Variants in GRM5 observed in about 807,000 individuals in gnomAD.
GRM5 encodes the protein metabotropic glutamate receptor 5.
Under a neutral mutation model 83.1 loss-of-function variants are expected in GRM5, and 19 were observed. The observed-to-expected ratio is 0.23, with a 90% confidence interval of 0.16 to 0.34. GRM5 has a LOEUF of 0.34. Ranked by LOEUF, GRM5 falls within the 10% of genes least tolerant of loss-of-function variation. The pLI is 1.00. For synonymous variants in GRM5, 675 were observed against 633.6 expected (o/e 1.07, Z -0.98); for missense variants, 1,160 against 1,588.3 (o/e 0.73, Z 4.58).
At chr11:88,945,786 G>GA (rs904284720) in intron 2 of GRM5, among the ~76,000 whole-genome samples, 39 of 152,042 alleles carry the variant, frequency 2.6e-4, no homozygotes, top group South Asian at 1.0e-3. Context: ...AAGGATCCTA[G>GA]AAAAAAGCCT....
At chr11:88,593,558 A>G (rs980424110) in intron 6 of GRM5, among the ~76,000 whole-genome samples, 3 of 151,308 alleles carry the variant, frequency 2.0e-5, no homozygotes, top group Non-Finnish European at 4.4e-5. Context: ...GGTGCCTGTA[A>G]TCCCAGCTAC....
At chr11:88,566,970 C>T in intron 8 of GRM5, 83 bp downstream of exon 8, 1 of 857,776 alleles carries the variant, frequency 1.2e-6, no homozygotes, top group Non-Finnish European at 1.8e-6. Context: ...ACCCAGATTT[C>T]TCCCATTTAA....
intron 1 of GRM5, among the ~76,000 whole-genome samples, chr11:89,064,921 AGAGAGAGAGAGAGAGAGAGG>A (rs1228290623): frequency 3.3e-3 from 211 of 64,710 alleles, no homozygotes; most frequent in African/African-American, 0.012. Flanking sequence ...TGTGTGAGAG[AGAGAGAGAGAGAGAGAGAGG>A]GAGAGAGAGA....
At chr11:88,913,424 G>A (rs1262612883) in intron 2 of GRM5, among the ~76,000 whole-genome samples, 6 of 151,996 alleles carry the variant, frequency 3.9e-5, no homozygotes, top group Non-Finnish European at 8.8e-5. Context: ...AATAGGGGAT[G>A]GCAATGTAGA....
intron 2 of GRM5, among the ~76,000 whole-genome samples, chr11:88,864,353 A>C (rs1045386148): frequency 3.3e-5 from 5 of 151,850 alleles, no homozygotes; most frequent in African/African-American, 1.2e-4. Flanking sequence ...GCGCTCCAGA[A>C]GGATACAATA....
chr11:88,913,987 A>G (rs1216454695), intron 2 of GRM5, among the ~76,000 whole-genome samples: 1 of 152,040 alleles, frequency 6.6e-6, no homozygotes, highest in Non-Finnish European at 1.5e-5. Flanking sequence ...TTTAATCCTG[A>G]TCACATACCA....
At chr11:88,606,853 T>C (rs59580234) in intron 4 of GRM5, among the ~76,000 whole-genome samples, 5,095 of 149,642 alleles carry the variant, frequency 0.034, 283 homozygotes, top group African/African-American at 0.12. Context: ...ATAGGAAGAG[T>C]GTGGTTAAAA....
At chr11:88,765,517 G>C (rs140084505) in intron 3 of GRM5, among the ~76,000 whole-genome samples, 158 of 151,250 alleles carry the variant, frequency 1.0e-3, no homozygotes, top group Non-Finnish European at 1.4e-3. Flanking sequence ...ATAGAACAGA[G>C]AGCCTAGAAA....
intron 3 of GRM5, among the ~76,000 whole-genome samples, chr11:88,849,347 A>T (rs1944351852): frequency 6.6e-6 from 1 of 152,172 alleles, no homozygotes; most frequent in Non-Finnish European, 1.5e-5. Context: ...CAATCAAGTG[A>T]ATTATCCAGA....
At chr11:88,780,090 C>A (rs776692762) in intron 3 of GRM5, among the ~76,000 whole-genome samples, 2 of 152,176 alleles carry the variant, frequency 1.3e-5, no homozygotes, top group African/African-American at 2.4e-5. Context: ...CTGACCTGCA[C>A]AGATGAGGGA....
intron 3 of GRM5, among the ~76,000 whole-genome samples, chr11:88,674,624 T>A (rs372979432): frequency 1.2e-4 from 18 of 152,000 alleles, no homozygotes; most frequent in African/African-American, 4.1e-4. Context: ...GATTATAGGT[T>A]TGGGGCAGTG....
Position 89,015,775 on chromosome 11 carries a change from T to A in GRM5, c.661+31437A>T, listed in dbSNP as rs186121384. On this transcript the variant is annotated intron_variant, in intron 2 of 9. Coordinates refer to ENST00000305447, the MANE Select transcript of GRM5 (RefSeq NM_001143831.3). ...TTATCTGACAGAAAATAGTTTCATA[T>A]CTCATTATACCTTTGAGTGTGATTA... Among the ~76,000 whole-genome samples, 149 of 152,302 alleles carry A rather than the reference T, an allele frequency of 9.8e-4. 2 individuals are homozygous for A. The highest frequency in any genetic ancestry group is 9.1e-3 in the Admixed American group (139 of 15,292).
At chr11:88,689,288 C>T (rs1482693588) in intron 3 of GRM5, among the ~76,000 whole-genome samples, 1 of 152,166 alleles carries the variant, frequency 6.6e-6, no homozygotes, top group Non-Finnish European at 1.5e-5. Flanking sequence ...TAAAACACAT[C>T]CCTGAATGAA....
At position 88,599,484 on chromosome 11, in the gene GRM5, G is replaced by A. The variant is rs79148819; in HGVS notation, c.1395-2132C>T. Among the ~76,000 whole-genome samples the A allele has an allele frequency of 9.7e-3, 1,473 of 152,254 alleles. 17 individuals are homozygous for A. Among genetic ancestry groups the A allele is most frequent in the East Asian group, 0.066 (340 of 5,182 alleles). ...AATCTTGTTTTAGTACACTAAAAAA[G>A]AGAAATAGATAATATGTCTCCACAA... On this transcript the variant is annotated intron_variant, in intron 5 of 9. Transcript: ENST00000305447.
intron 3 of GRM5, among the ~76,000 whole-genome samples, chr11:88,790,266 G>A (rs1565231976): frequency 6.6e-6 from 1 of 152,096 alleles, no homozygotes; most frequent in Non-Finnish European, 1.5e-5. Flanking sequence ...TAATGTATGA[G>A]TCATATTATT....
intron 4 of GRM5, among the ~76,000 whole-genome samples, chr11:88,619,434 C>T (rs1414069515): frequency 6.6e-6 from 1 of 152,214 alleles, no homozygotes; most frequent in Non-Finnish European, 1.5e-5. Flanking sequence ...TCCATATTCT[C>T]ACATGGCAAA....
intron 3 of GRM5, among the ~76,000 whole-genome samples, chr11:88,807,235 T>A (rs899971185): frequency 6.6e-5 from 10 of 152,144 alleles, no homozygotes; most frequent in African/African-American, 2.4e-4. Flanking sequence ...TCAAAAAATG[T>A]TTAAAAGCTG....
At chr11:88,548,434 T>C (rs1331095702) in intron 8 of GRM5, among the ~76,000 whole-genome samples, 1 of 152,130 alleles carries the variant, frequency 6.6e-6, no homozygotes, top group African/African-American at 2.4e-5. Context: ...TAACATCACA[T>C]GCAAATTAAA....
chr11:88,785,189 T>A (rs1284038584), intron 3 of GRM5, among the ~76,000 whole-genome samples: 1 of 152,088 alleles, frequency 6.6e-6, no homozygotes, highest in Non-Finnish European at 1.5e-5. Flanking sequence ...ACAGTAAGCG[T>A]TTGGTTACTT....
Sources: allele counts gnomAD v4.1 joint callset (sites outside exome capture counted in the v4.1 genomes callset), GRCh38; gene constraint gnomAD v4.1.1; transcripts MANE v1.5; gene names NCBI Gene and HGNC (gene_info 2026-07-23, HGNC 2026-07-21).